The following AASDH variants were observed in gnomAD, a reference collection of about 807,000 sequenced individuals.
The protein encoded by AASDH is aminoadipate-semialdehyde dehydrogenase.
A neutral mutation model predicts 102.3 loss-of-function variants in AASDH; 81 were observed. That is an observed-to-expected ratio of 0.79 (90% CI 0.66 to 0.95). The LOEUF (loss-of-function observed/expected upper bound fraction) is 0.95, where lower values mean the gene tolerates loss of function less well. AASDH is among the 40% of genes least tolerant of loss of function. The probability of loss-of-function intolerance (pLI) is 0.00; values close to 1 mark genes in which losing one functional copy is unlikely to be tolerated. For missense variants in AASDH, 1,203 were observed against 1,266.2 expected (o/e 0.95, Z 0.76); for synonymous variants, 398 against 454.0 (o/e 0.88, Z 1.57).
At position 56,345,147 on chromosome 4, in the gene AASDH, C is replaced by T. The variant is rs376136482; in HGVS notation, c.2632G>A (p.Ala878Thr). 2.0e-5 allele frequency: 33 copies of T among 1,613,790 alleles called. No homozygotes were observed. The Admixed American group carries it at 3.0e-4, about 15-fold the overall frequency. ...LIYIGSHDQH[A>T]YALDIYRKKC... Reference sequence around the variant, plus strand: ...CTTACATAAATATCTAAAGCATATGCGTGCTGGTCATGAGATCCAATGTAA... The same window carrying T: ...CTTACATAAATATCTAAAGCATATGTGTGCTGGTCATGAGATCCAATGTAA... The change falls in exon 12 of 15, where the codon GCA becomes ACA. Residue 878 changes from alanine (A) to threonine (T), a missense_variant. Transcript: ENST00000205214.
At chr4:56,366,142 CACAT>C (rs1418479442) in intron 5 of AASDH, among the ~76,000 whole-genome samples, 2 of 152,192 alleles carry the variant, frequency 1.3e-5, no homozygotes, top group Admixed American at 1.3e-4. Flanking sequence ...AGTTCCTCAA[CACAT>C]ACACCCTCCC....
intron 5 of AASDH, among the ~76,000 whole-genome samples, chr4:56,362,638 T>C (rs1008358345): frequency 2.0e-5 from 3 of 152,208 alleles, no homozygotes; most frequent in African/African-American, 4.8e-5. Flanking sequence ...ATAAAATCTA[T>C]ATAAGGAGCG....
At chr4:56,350,456 A>T (rs114759230) in intron 10 of AASDH, among the ~76,000 whole-genome samples, 2,427 of 151,956 alleles carry the variant, frequency 0.016, 73 homozygotes, top group African/African-American at 0.055. Context: ...TCCATCTCAA[A>T]AATAATAATA....
At chr4:56,347,194 GGA>G (rs1748429404) in intron 11 of AASDH, among the ~76,000 whole-genome samples, 1 of 152,156 alleles carries the variant, frequency 6.6e-6, no homozygotes. Context: ...TGGTGCAACT[GGA>G]CTTTTCACAC....
chr4:56,348,545 G>A (rs1042355088), intron 11 of AASDH, among the ~76,000 whole-genome samples: 9 of 152,204 alleles, frequency 5.9e-5, no homozygotes, highest in East Asian at 5.8e-4. Context: ...GTGAGCCACC[G>A]CGCCTGGCTG....
At chr4:56,381,696 A>G (rs13141793) in intron 3 of AASDH, 98,075 of 149,956 alleles carry the variant, frequency 0.65, 32,108 homozygotes, top group Admixed American at 0.73. Flanking sequence ...GGGTGAAAGC[A>G]GGGAATGCAT....
In AASDH at chr4:56,338,802, T is replaced by G. The variant is rs773478279; in HGVS notation, c.2908-11A>C. On this transcript the variant is annotated splice_polypyrimidine_tract_variant and intron_variant, in intron 14 of 14. Transcript: ENST00000205214. ...AGAGAACTGCCAAACCTATAACAAG[T>G]AATAAAAATAAATATAATTCATTCA... 6.2e-7 allele frequency: 1 copy of G among 1,606,896 alleles called. No homozygotes were observed. The highest frequency in any genetic ancestry group is 8.5e-7 in the Non-Finnish European group (1 of 1,176,368).
chr4:56,374,032 A>T (rs974740318), intron 4 of AASDH, among the ~76,000 whole-genome samples: 1 of 152,182 alleles, frequency 6.6e-6, no homozygotes, highest in African/African-American at 2.4e-5. Flanking sequence ...GGCAGGTATG[A>T]TTATGTGAGA....
At chr4:56,350,814 C>T (rs1748910695) in intron 10 of AASDH, among the ~76,000 whole-genome samples, 1 of 152,096 alleles carries the variant, frequency 6.6e-6, no homozygotes, top group Non-Finnish European at 1.5e-5. Flanking sequence ...TTAGACAAGG[C>T]TACACAATTA....
chr4:56,343,535 A>T (rs750221020), intron 13 of AASDH, 27 bp downstream of exon 13: 4 of 1,535,682 alleles, frequency 2.6e-6, no homozygotes, highest in South Asian at 1.3e-5. Context: ...AAAGTAATAA[A>T]ATCAATATGT....
chr4:56,339,183 T>G (rs1747314633), intron 14 of AASDH, among the ~76,000 whole-genome samples: 1 of 151,956 alleles, frequency 6.6e-6, no homozygotes, highest in Non-Finnish European at 1.5e-5. Flanking sequence ...AGATGGAGTC[T>G]TGCTCTGTCG....
chr4:56,347,583 TA>T (rs1367853074), intron 11 of AASDH, among the ~76,000 whole-genome samples: 1 of 152,162 alleles, frequency 6.6e-6, no homozygotes, highest in Non-Finnish European at 1.5e-5. Context: ...AGTTAGTAGC[TA>T]ACCCTTAATG....
intron 5 of AASDH, among the ~76,000 whole-genome samples, chr4:56,367,367 C>T (rs1217397979): frequency 1.4e-5 from 2 of 142,950 alleles, no homozygotes; most frequent in Non-Finnish European, 3.0e-5. Flanking sequence ...GAAAAAACTA[C>T]TTTAAAGTTC....
At chr4:56,386,524 T>G (rs1753566948) in intron 1 of AASDH, among the ~76,000 whole-genome samples, 1 of 152,070 alleles carries the variant, frequency 6.6e-6, no homozygotes, top group South Asian at 2.1e-4. Context: ...CCGGGCGCGG[T>G]GGCTCACGCC....
At chr4:56,361,177 C>A (rs1750242216) in intron 5 of AASDH, among the ~76,000 whole-genome samples, 1 of 152,152 alleles carries the variant, frequency 6.6e-6, no homozygotes, top group Non-Finnish European at 1.5e-5. Context: ...TTTGGAAAGC[C>A]AAGGCGGGCA....
chr4:56,367,956 T>C (rs1184374852), intron 5 of AASDH, among the ~76,000 whole-genome samples: 2 of 152,150 alleles, frequency 1.3e-5, no homozygotes, highest in Non-Finnish European at 2.9e-5. Flanking sequence ...AGAAGATTTC[T>C]GCAACCTACT....
intron 5 of AASDH, chr4:56,356,567 C>G: frequency 1.3e-6 from 1 of 761,920 alleles, no homozygotes; most frequent in South Asian, 1.4e-5. Context: ...CCATCAACAC[C>G]TTGGTGGAGA....
intron 2 of AASDH, 27 bp downstream of exon 2, chr4:56,384,043 C>T: frequency 1.3e-6 from 2 of 1,575,140 alleles, no homozygotes; most frequent in Non-Finnish European, 1.7e-6. Context: ...GGAGTAACAT[C>T]AAATTTACAG....
At chr4:56,350,704 G>C (rs1748898040) in intron 10 of AASDH, among the ~76,000 whole-genome samples, 1 of 151,880 alleles carries the variant, frequency 6.6e-6, no homozygotes, top group African/African-American at 2.4e-5. Flanking sequence ...TCTATAATAT[G>C]GGAATAATTT....
Sources: allele counts gnomAD v4.1 joint callset (sites outside exome capture counted in the v4.1 genomes callset), GRCh38; gene constraint gnomAD v4.1.1; transcripts MANE v1.5; gene names NCBI Gene and HGNC (gene_info 2026-07-23, HGNC 2026-07-21).